Variants in CFAP299 observed in about 807,000 individuals in gnomAD.
The protein encoded by CFAP299 is cilia and flagella associated protein 299, also known as cilia- and flagella-associated protein 299.
CFAP299 carries 21 observed loss-of-function variants against 27.0 expected under a neutral mutation model. The observed-to-expected ratio is 0.78, with a 90% CI of 0.55 to 1.12. The LOEUF (loss-of-function observed/expected upper bound fraction) is 1.12, where lower values mean the gene tolerates loss of function less well. Among genes scored for constraint, CFAP299 ranks in the 50% most tolerant of loss-of-function variants. CFAP299 has a pLI of 0.00. For missense variants in CFAP299, 310 were observed against 276.6 expected (o/e 1.12, Z -0.86); for synonymous variants, 104 against 98.1 (o/e 1.06, Z -0.36).
At chr4:80,406,810 T>A (rs954899483) in intron 2 of CFAP299, among the ~76,000 whole-genome samples, 8 of 152,186 alleles carry the variant, frequency 5.3e-5, no homozygotes, top group Admixed American at 6.5e-5. Context: ...TTGATAGGCA[T>A]CTCATTTGGC....
chr4:80,799,163 A>AAT (rs1421160022), intron 3 of CFAP299, among the ~76,000 whole-genome samples: 1 of 125,026 alleles, frequency 8.0e-6, no homozygotes, highest in Non-Finnish European at 1.6e-5. Flanking sequence ...ATATTTATAC[A>AAT]ATATTTATAT....
intron 3 of CFAP299, among the ~76,000 whole-genome samples, chr4:80,622,234 C>G (rs1287582165): frequency 6.6e-6 from 1 of 151,978 alleles, no homozygotes; most frequent in Non-Finnish European, 1.5e-5. Context: ...TTGCAATAGT[C>G]CAGGTAAGAG....
At position 80,608,245 on chromosome 4, in the gene CFAP299, G is replaced by A. The variant is rs528431327; in HGVS notation, c.333+25062G>A. 1.8e-3 allele frequency: 1,444 copies of A among 800,888 alleles called. 8 individuals are homozygous for A. Among genetic ancestry groups the A allele is most frequent in the Non-Finnish European group, 1.6e-3 (795 of 499,840 alleles). 49.6% of individuals were successfully genotyped at this position (800,888 alleles called of 1,614,324 possible). On this transcript the variant is annotated intron_variant, in intron 3 of 5. Coordinates refer to ENST00000358105, the MANE Select transcript of CFAP299 (RefSeq NM_152770.3). ...GATAACTGATTCCAACAGTACCAGA[G>A]GGTGGGGTTCAAGCTATACTTTAGA...
At chr4:80,597,983 G>T (rs769231059) in intron 3 of CFAP299, among the ~76,000 whole-genome samples, 1 of 152,176 alleles carries the variant, frequency 6.6e-6, no homozygotes, top group Non-Finnish European at 1.5e-5. Flanking sequence ...CGCCGTACCC[G>T]TTCTGCAATT....
chr4:80,621,359 A>G (rs1035001329), intron 3 of CFAP299, among the ~76,000 whole-genome samples: 1 of 152,146 alleles, frequency 6.6e-6, no homozygotes, highest in Non-Finnish European at 1.5e-5. Context: ...AAAACTCTCT[A>G]CCAATAGTTA....
In CFAP299 at chr4:80,870,022, T is replaced by G; in HGVS notation, c.363T>G (p.Ser121=). The stretch of plus-strand genomic sequence containing the variant: ...TGATCTTTATTCGTGACAGAAATTC[T>G]CATGGGCAAGAGATATCAGGATACA... The part of the protein sequence containing the change: ...SSVIFIRDRN[S]HGQEISGYID... Residue 121 remains serine (S), a synonymous_variant, in exon 4 of 6, where the codon TCT becomes TCG. Transcript: ENST00000358105. 1 of 1,612,856 alleles carries G rather than the reference T, an allele frequency of 6.2e-7. No homozygotes were observed. The highest frequency in any genetic ancestry group is 8.5e-7 in the Non-Finnish European group (1 of 1,179,330).
At chr4:80,801,697 C>T (rs1348347405) in intron 3 of CFAP299, among the ~76,000 whole-genome samples, 3 of 152,006 alleles carry the variant, frequency 2.0e-5, no homozygotes, top group African/African-American at 7.2e-5. Flanking sequence ...AAATTCTGTA[C>T]AGTTAAGGGC....
chr4:80,662,194 T>G (rs1740884484), intron 3 of CFAP299, among the ~76,000 whole-genome samples: 1 of 152,100 alleles, frequency 6.6e-6, no homozygotes, highest in Admixed American at 6.6e-5. Flanking sequence ...CACACCCTAT[T>G]CGTACACTCC....
At chr4:80,455,169 C>G (rs1488391141) in intron 2 of CFAP299, among the ~76,000 whole-genome samples, 1 of 152,160 alleles carries the variant, frequency 6.6e-6, no homozygotes, top group Non-Finnish European at 1.5e-5. Flanking sequence ...CTTAGGCTTT[C>G]AAAGGCAGTC....
At chr4:80,470,788 C>A (rs1729955353) in intron 2 of CFAP299, among the ~76,000 whole-genome samples, 1 of 152,070 alleles carries the variant, frequency 6.6e-6, no homozygotes, top group Non-Finnish European at 1.5e-5. Context: ...CAAGAGAGAT[C>A]TTCAAAACTG....
intron 3 of CFAP299, among the ~76,000 whole-genome samples, chr4:80,800,425 T>TATAATATATTGATATATTA (rs1560418887): frequency 1.6e-5 from 1 of 62,440 alleles, no homozygotes; most frequent in Non-Finnish European, 2.6e-5. Flanking sequence ...TAATATAATA[T>TATAATATATTGATATATTA]ATATAATATA....
intron 3 of CFAP299, among the ~76,000 whole-genome samples, chr4:80,864,404 A>ATATG (rs1276452615): frequency 6.9e-6 from 1 of 145,260 alleles, no homozygotes; most frequent in African/African-American, 2.6e-5. Flanking sequence ...TCTTGTATAT[A>ATATG]TGTGTGTGTA....
chr4:80,733,875 C>T (rs1424703135), intron 3 of CFAP299, among the ~76,000 whole-genome samples: 1 of 152,106 alleles, frequency 6.6e-6, no homozygotes, highest in Admixed American at 6.6e-5. Flanking sequence ...TGTTGATGGA[C>T]ACTTAGGTTG....
chr4:80,955,024 AAAAAAAAAAAC>A (rs1737992904), intron 5 of CFAP299, among the ~76,000 whole-genome samples: 3 of 108,632 alleles, frequency 2.8e-5, no homozygotes, highest in Non-Finnish European at 6.2e-5. Context: ...AAAAAAAAAA[AAAAAAAAAAAC>A]GCACACATGG....
intron 2 of CFAP299, among the ~76,000 whole-genome samples, chr4:80,391,481 CT>C (rs1725479522): frequency 6.6e-6 from 1 of 152,090 alleles, no homozygotes; most frequent in African/African-American, 2.4e-5. Context: ...ATGTTGAGCA[CT>C]TTTTCATAAC....
intron 2 of CFAP299, among the ~76,000 whole-genome samples, chr4:80,446,457 C>T (rs1258493760): frequency 6.6e-6 from 1 of 152,206 alleles, no homozygotes; most frequent in Non-Finnish European, 1.5e-5. Context: ...TAAGCAAGAT[C>T]TGTTTGGCAC....
At chr4:80,456,826 G>A (rs140220004) in intron 2 of CFAP299, among the ~76,000 whole-genome samples, 2 of 152,236 alleles carry the variant, frequency 1.3e-5, no homozygotes, top group East Asian at 3.9e-4. Flanking sequence ...TCCAAGGAAT[G>A]AGTCCTGCAA....
In CFAP299 at chr4:80,856,920, G is replaced by T. The variant is rs929079766; in HGVS notation, c.334-13073G>T. On this transcript the variant is annotated intron_variant, in intron 3 of 5. Transcript: ENST00000358105. The stretch of plus-strand genomic sequence containing the variant: ...TTGGTTCCATATGAAGTTTAAAGTA[G>T]TTTTTTCCAATTCTGTGAAGAAAGT... 4.6e-5 allele frequency among the ~76,000 whole-genome samples: 7 copies of T among 151,818 alleles called. No individual in the cohort carries two copies. In the East Asian group the frequency reaches 7.7e-4, roughly 17 times the overall value.
intron 2 of CFAP299, among the ~76,000 whole-genome samples, chr4:80,497,276 CA>C (rs1310214884): frequency 1.3e-5 from 2 of 152,144 alleles, no homozygotes; most frequent in African/African-American, 2.4e-5. Flanking sequence ...TCTCTAAAAA[CA>C]AACAAATAAA....
Sources: gnomAD v4.1 joint callset for allele counts (sites outside exome capture counted in the v4.1 genomes callset) on GRCh38, gnomAD v4.1.1 for gene constraint, MANE v1.5 for transcripts, NCBI Gene and HGNC (gene_info 2026-07-23, HGNC 2026-07-21) for gene names.